The following SYAP1 variants were observed in gnomAD, a reference collection of about 807,000 sequenced individuals.
The protein encoded by SYAP1 is synapse-associated protein 1.
SYAP1 carries 3 observed loss-of-function variants against 29.6 expected under a neutral mutation model. The observed-to-expected ratio is 0.10, with a 90% CI of 0.05 to 0.26. The LOEUF (loss-of-function observed/expected upper bound fraction) is 0.26, where lower values mean the gene tolerates loss of function less well. Among genes scored for constraint, SYAP1 ranks in the 10% least tolerant of loss-of-function variants. The probability of loss-of-function intolerance (pLI) is 1.00; values close to 1 mark genes in which losing one functional copy is unlikely to be tolerated. For missense variants in SYAP1, 217 were observed against 264.1 expected (o/e 0.82, Z 1.24); for synonymous variants, 102 against 102.7 (o/e 0.99, Z 0.04).
intron 8 of SYAP1, among the ~76,000 whole-genome samples, chrX:16,758,174 G>C (rs1018099460): frequency 3.6e-5 from 4 of 110,959 alleles, no homozygotes; most frequent in African/African-American, 1.3e-4. Flanking sequence ...CTCCAATGTA[G>C]CTGGGACTAT....
At chrX:16,736,509 CT>C in intron 3 of SYAP1, 1 of 214,606 alleles carries the variant, frequency 4.7e-6, no homozygotes, top group Non-Finnish European at 8.5e-6. Flanking sequence ...TTTCTCTTTT[CT>C]TTTCCCCCAC....
At chrX:16,756,452 A>G (rs1569253102) in intron 6 of SYAP1, among the ~76,000 whole-genome samples, 1 of 112,097 alleles carries the variant, frequency 8.9e-6, no homozygotes, top group Non-Finnish European at 1.9e-5. Context: ...GGATAGGTAG[A>G]TAGATAGATA....
At chrX:16,759,695 G>A (rs1261063855) in intron 8 of SYAP1, among the ~76,000 whole-genome samples, 2 of 111,810 alleles carry the variant, frequency 1.8e-5, no homozygotes, top group African/African-American at 6.5e-5. Flanking sequence ...CTGTCAAACG[G>A]TGTGATCTTG....
intron 3 of SYAP1, among the ~76,000 whole-genome samples, chrX:16,737,619 G>A (rs1327222396): frequency 9.0e-6 from 1 of 111,599 alleles, no homozygotes; most frequent in African/African-American, 3.3e-5. Context: ...CTGTGAGGGC[G>A]TGGGGGTGGA....
chrX:16,720,694 A>T (rs1007203676), intron 1 of SYAP1, among the ~76,000 whole-genome samples: 1 of 111,856 alleles, frequency 8.9e-6, no homozygotes, highest in Non-Finnish European at 1.9e-5. Context: ...TTCTGGAGAG[A>T]CCATGGTGGG....
chrX:16,748,527 G>A (rs1435465097), intron 5 of SYAP1, among the ~76,000 whole-genome samples: 1 of 111,834 alleles, frequency 8.9e-6, no homozygotes, highest in African/African-American at 3.3e-5. Flanking sequence ...GTAGTCTAAT[G>A]CTGTGACCGA....
At chrX:16,738,794 C>G in intron 3 of SYAP1, among the ~76,000 whole-genome samples, 1 of 112,110 alleles carries the variant, frequency 8.9e-6, no homozygotes, top group Non-Finnish European at 1.9e-5. Flanking sequence ...GAGGCAGGGC[C>G]AAGAGGTCCA....
intron 1 of SYAP1, among the ~76,000 whole-genome samples, chrX:16,724,026 CAG>C (rs1228239704): frequency 1.7e-4 from 19 of 112,238 alleles, no homozygotes; most frequent in African/African-American, 5.5e-4. Context: ...ATTTTTGTGT[CAG>C]GGAGTCCCCA....
At chrX:16,738,142 G>A (rs1204860566) in intron 3 of SYAP1, among the ~76,000 whole-genome samples, 1 of 111,755 alleles carries the variant, frequency 8.9e-6, no homozygotes, top group Non-Finnish European at 1.9e-5. Flanking sequence ...GGCCAGGCGT[G>A]GTAGCTTCAT....
At chrX:16,745,337 C>G (rs1413785654) in intron 5 of SYAP1, among the ~76,000 whole-genome samples, 1 of 111,731 alleles carries the variant, frequency 9.0e-6, no homozygotes, top group Non-Finnish European at 1.9e-5. Flanking sequence ...CTCCCCTCCC[C>G]ACATGGGCAG....
At chrX:16,752,149 T>C (rs1439781077) in intron 5 of SYAP1, among the ~76,000 whole-genome samples, 2 of 107,513 alleles carry the variant, frequency 1.9e-5, no homozygotes, top group Non-Finnish European at 3.8e-5. Flanking sequence ...CGGCTAATTT[T>C]TGTATTTTTT....
chrX:16,763,785 A>G lies in SYAP1; in HGVS notation c.*3426A>G, dbSNP rs368147675. 1 of 112,110 alleles carries G rather than the reference A, an allele frequency of 8.9e-6. No homozygotes were observed. The highest frequency in any genetic ancestry group is 3.2e-5 in the African/African-American group (1 of 30,898). The allele number at this position is 112,110 out of a possible 1,213,427, so 9.2% of individuals were successfully genotyped here. A position where few individuals can be genotyped will look rare whatever the true frequency, so the allele number is the denominator to read the frequency against. On this transcript the variant is annotated 3_prime_UTR_variant, in exon 9 of 9. Transcript: ENST00000380155. ...TGCTTTAATCAAAATATTGTTAAAA[A>G]TAGGATTTCAGGACATTTAAAAGGT...
chrX:16,743,664 G>A (rs760023867), intron 4 of SYAP1, 37 bp from the exon 5 acceptor site: 15 of 1,166,060 alleles, frequency 1.3e-5, no homozygotes, highest in Admixed American at 2.5e-5. Context: ...ATCGCATTTT[G>A]TGGAATACCC....
chrX:16,761,692 T>TGAAC lies in SYAP1; in HGVS notation c.*1336_*1337insCGAA, dbSNP rs1926989282. The stretch of plus-strand genomic sequence containing the variant: ...TCCGTCTCAAAAATGAATGAATGAA[T>TGAAC]GAATGAATGAATGAACGAACGAACA... On this transcript the variant is annotated 3_prime_UTR_variant, in exon 9 of 9. Transcript: ENST00000380155. 9.0e-6 allele frequency: 1 copy of TGAAC among 111,341 alleles called. No individual in the cohort carries two copies. The highest frequency in any genetic ancestry group is 1.9e-5 in the Non-Finnish European group (1 of 53,107). 9.2% of individuals were successfully genotyped at this position (111,341 alleles called of 1,213,427 possible). A position where few individuals can be genotyped will look rare whatever the true frequency, so the allele number is the denominator to read the frequency against.
At chrX:16,729,042 A>G (rs1439574440) in intron 1 of SYAP1, among the ~76,000 whole-genome samples, 1 of 90,399 alleles carries the variant, frequency 1.1e-5, no homozygotes, top group Non-Finnish European at 2.2e-5. Flanking sequence ...CTATCTCGAA[A>G]AAAAAAAAAG....
intron 1 of SYAP1, among the ~76,000 whole-genome samples, chrX:16,734,583 C>G (rs762839175): frequency 2.6e-4 from 29 of 110,329 alleles, no homozygotes; most frequent in Non-Finnish European, 4.2e-4. Context: ...TATAAAGGAG[C>G]CTTGTTCTTC....
At chrX:16,751,975 C>CTTTTTTT (rs773120810) in intron 5 of SYAP1, among the ~76,000 whole-genome samples, 3 of 56,669 alleles carry the variant, frequency 5.3e-5, no homozygotes, top group African/African-American at 9.3e-5. Flanking sequence ...TGCACCCGGC[C>CTTTTTTT]TTTTTTTTTT....
chrX:16,757,856 G>A (rs1462909393), intron 8 of SYAP1, among the ~76,000 whole-genome samples: 2 of 109,271 alleles, frequency 1.8e-5, no homozygotes, highest in African/African-American at 6.7e-5. Context: ...GCAGTGAGCC[G>A]AGATCACACC....
At chrX:16,746,837 C>T (rs1002568593) in intron 5 of SYAP1, among the ~76,000 whole-genome samples, 1 of 112,555 alleles carries the variant, frequency 8.9e-6, no homozygotes, top group Non-Finnish European at 1.9e-5. Flanking sequence ...ATCTGTCCGC[C>T]TTGGCCTCCC....
Sources: allele counts gnomAD v4.1 joint callset (sites outside exome capture counted in the v4.1 genomes callset), GRCh38; gene constraint gnomAD v4.1.1; transcripts MANE v1.5; gene names NCBI Gene and HGNC (gene_info 2026-07-23, HGNC 2026-07-21).